The following NAALADL2 variants were observed in gnomAD, a reference collection of about 807,000 sequenced individuals.
The protein encoded by NAALADL2 is N-acetylated alpha-linked acidic dipeptidase like 2.
A neutral mutation model predicts 87.2 loss-of-function variants in NAALADL2; 76 were observed. The ratio of observed to expected loss-of-function variants is 0.87; its 90% CI spans 0.72 to 1.05. The LOEUF is 1.05. NAALADL2 is among the 50% of genes least tolerant of loss of function. The pLI is 0.00. For missense variants in NAALADL2, 1,089 were observed against 945.8 expected (o/e 1.15, Z -1.99); for synonymous variants, 354 against 331.0 (o/e 1.07, Z -0.75).
intron 1 of NAALADL2, among the ~76,000 whole-genome samples, chr3:175,060,635 G>T (rs1713230560): frequency 6.6e-6 from 1 of 152,148 alleles, no homozygotes; most frequent in Non-Finnish European, 1.5e-5. Context: ...TTTACTATCT[G>T]GGCATTAAAG....
chr3:175,427,821 T>C (rs1717079355), intron 5 of NAALADL2, among the ~76,000 whole-genome samples: 1 of 152,058 alleles, frequency 6.6e-6, no homozygotes, highest in South Asian at 2.1e-4. Context: ...CTTTCATCCA[T>C]ACCCAAATGT....
chr3:175,217,122 A>C (rs1452274132), intron 2 of NAALADL2, among the ~76,000 whole-genome samples: 1 of 152,234 alleles, frequency 6.6e-6, no homozygotes, highest in Non-Finnish European at 1.5e-5. Context: ...GGATGGCAAC[A>C]TAATTGAATT....
chr3:174,838,549 A>G (rs943292339), intron 3 of NAALADL2, among the ~76,000 whole-genome samples: 1 of 151,990 alleles, frequency 6.6e-6, no homozygotes, highest in Non-Finnish European at 1.5e-5. Flanking sequence ...AGAGGAAGTC[A>G]AACTGTCGCT....
At chr3:175,239,769 G>A (rs527776857) in intron 3 of NAALADL2, among the ~76,000 whole-genome samples, 1 of 152,272 alleles carries the variant, frequency 6.6e-6, no homozygotes, top group South Asian at 2.1e-4. Context: ...TTCTTAATAG[G>A]TGTGCAAATG....
chr3:175,562,844 T>G (rs1716486998), intron 9 of NAALADL2, among the ~76,000 whole-genome samples: 1 of 152,040 alleles, frequency 6.6e-6, no homozygotes, highest in Non-Finnish European at 1.5e-5. Context: ...GGGAATATAA[T>G]ATTGGAAAGA....
At chr3:174,464,559 T>TA (rs1466713397) in intron 1 of NAALADL2, among the ~76,000 whole-genome samples, 1 of 152,040 alleles carries the variant, frequency 6.6e-6, no homozygotes, top group Admixed American at 6.5e-5. Flanking sequence ...TTGTAAGCTT[T>TA]AAATTGGTTA....
At chr3:174,512,970 T>TG (rs983958638) in intron 1 of NAALADL2, among the ~76,000 whole-genome samples, 1 of 151,982 alleles carries the variant, frequency 6.6e-6, no homozygotes, top group Non-Finnish European at 1.5e-5. Flanking sequence ...TTTTTTTTTT[T>TG]TTTTTCTGGG....
chr3:175,238,922 C>G (rs1161462217), intron 3 of NAALADL2, among the ~76,000 whole-genome samples: 1 of 152,306 alleles, frequency 6.6e-6, no homozygotes, highest in East Asian at 1.9e-4. Flanking sequence ...CTTCCCACAA[C>G]TTTTTGCTTT....
At chr3:175,129,107 T>A (rs769803353) in intron 2 of NAALADL2, among the ~76,000 whole-genome samples, 2 of 29,328 alleles carry the variant, frequency 6.8e-5, no homozygotes, top group Non-Finnish European at 1.1e-4. Flanking sequence ...CCTGGCTAAT[T>A]TTTTTTTTTT....
chr3:174,584,982 T>C (rs1028078157), intron 2 of NAALADL2, among the ~76,000 whole-genome samples: 2 of 152,284 alleles, frequency 1.3e-5, no homozygotes, highest in South Asian at 2.1e-4. Flanking sequence ...TGATAATGTA[T>C]ATTTAGTAAC....
intron 8 of NAALADL2, among the ~76,000 whole-genome samples, chr3:175,470,626 A>C (rs1724720168): frequency 6.6e-6 from 1 of 152,202 alleles, no homozygotes; most frequent in African/African-American, 2.4e-5. Context: ...GTAATCTTTT[A>C]GGACATTTCT....
intron 1 of NAALADL2, among the ~76,000 whole-genome samples, chr3:174,986,670 A>G (rs1012804749): frequency 5.3e-5 from 8 of 152,144 alleles, no homozygotes; most frequent in African/African-American, 1.9e-4. Flanking sequence ...AGCTAGATGT[A>G]TTCCAATTGC....
intron 9 of NAALADL2, among the ~76,000 whole-genome samples, chr3:175,497,967 G>A (rs570999021): frequency 7.9e-5 from 12 of 152,144 alleles, no homozygotes; most frequent in African/African-American, 2.6e-4. Context: ...TAGTGTGCAT[G>A]TAATATTTAG....
At chr3:174,947,842 T>A (rs1739691928) in intron 1 of NAALADL2, among the ~76,000 whole-genome samples, 1 of 152,104 alleles carries the variant, frequency 6.6e-6, no homozygotes, top group Admixed American at 6.6e-5. Context: ...TAATTATTAT[T>A]TCAAAGACTT....
chr3:175,381,871 G>C (rs1767828604), intron 5 of NAALADL2, among the ~76,000 whole-genome samples: 1 of 152,158 alleles, frequency 6.6e-6, no homozygotes, highest in African/African-American at 2.4e-5. Context: ...GCAGCAGCGG[G>C]CCTGCATGCT....
intron 1 of NAALADL2, among the ~76,000 whole-genome samples, chr3:174,452,467 C>T (rs1715552462): frequency 6.6e-6 from 1 of 152,158 alleles, no homozygotes; most frequent in Admixed American, 6.6e-5. Flanking sequence ...TGAATGAGGA[C>T]AGATCTTGTT....
chr3:174,501,765 G>A (rs907554065), intron 1 of NAALADL2, among the ~76,000 whole-genome samples: 1 of 151,640 alleles, frequency 6.6e-6, no homozygotes, highest in African/African-American at 2.4e-5. Flanking sequence ...TTCTTATATT[G>A]GTAATTTATA....
chr3:174,595,025 T>A (rs1717742481), intron 2 of NAALADL2, among the ~76,000 whole-genome samples: 1 of 152,196 alleles, frequency 6.6e-6, no homozygotes, highest in African/African-American at 2.4e-5. Flanking sequence ...TTTCTAGATG[T>A]ATGCTGGTAA....
intron 2 of NAALADL2, among the ~76,000 whole-genome samples, chr3:175,192,537 CAA>C (rs1015331464): frequency 2.6e-5 from 4 of 151,888 alleles, no homozygotes; most frequent in African/African-American, 9.7e-5. Context: ...ATTTGGTTCA[CAA>C]TGTAGAGAGC....
Sources: allele counts gnomAD v4.1 joint callset (sites outside exome capture counted in the v4.1 genomes callset), GRCh38; gene constraint gnomAD v4.1.1; transcripts MANE v1.5; gene names NCBI Gene and HGNC (gene_info 2026-07-23, HGNC 2026-07-21).